The following NFATC2 variants were observed in gnomAD, a reference collection of about 807,000 sequenced individuals.
The protein encoded by NFATC2 is nuclear factor of activated T cells 2, also known as nuclear factor of activated T-cells, cytoplasmic 2.
In NFATC2, 22 loss-of-function variants were observed where a neutral mutation model predicts 87.3. That is an observed-to-expected ratio of 0.25 (90% CI 0.18 to 0.36). NFATC2 has a LOEUF of 0.36. NFATC2 is among the 10% of genes least tolerant of loss of function. The pLI, the probability that NFATC2 is intolerant of heterozygous loss-of-function variation, is 1.00. For synonymous variants in NFATC2, 565 were observed against 542.2 expected (o/e 1.04, Z -0.58); for missense variants, 1,149 against 1,259.1 (o/e 0.91, Z 1.32).
rs769134690 is a variant in NFATC2, at chr20:51,523,226, C to T, written c.1015G>A (p.Ala339Thr). The change falls in exon 2 of 11, where the codon GCC (alanine) becomes ACC (threonine). Residue 339 changes from alanine to threonine, a missense_variant. Transcript: ENST00000371564. The surrounding 1 kb of genome is among the most constrained non-coding windows in gnomAD (Gnocchi z 6.9). Reference protein sequence around the residue: ...PSPVSAAPSKAGLPRHIYPAV... With the variant: ...PSPVSAAPSKTGLPRHIYPAV... ...GGGTAGATGTGGCGAGGCAGGCCGG[C>T]CTTGGATGGGGCGGCAGACACCGGC... 1.5e-5 allele frequency: 25 copies of T among 1,613,604 alleles called. No homozygotes were observed. Among genetic ancestry groups the T allele is most frequent in the Non-Finnish European group, 1.9e-5 (23 of 1,179,786 alleles).
Position 51,454,605 on chromosome 20 carries a change from G to A in NFATC2, c.1792C>T (p.Leu598Phe), listed in dbSNP as rs1331773292. The A allele has an allele frequency of 6.2e-7, 1 of 1,614,108 alleles. No individual in the cohort carries two copies. Among genetic ancestry groups the A allele is most frequent in the South Asian group, 1.1e-5 (1 of 91,086 alleles). ...CLVYGGQQMILTGQNFTSESK... is the reference protein window; with the variant it reads ...CLVYGGQQMIFTGQNFTSESK... Reference sequence around the variant, plus strand: ...TCGGATGTAAAGTTCTGCCCCGTGAGGATCATTTGCTGGCCGCCATAGACC... The same window carrying A: ...TCGGATGTAAAGTTCTGCCCCGTGAAGATCATTTGCTGGCCGCCATAGACC... Residue 598 changes from leucine to phenylalanine, a missense_variant, in exon 6 of 11, where the codon CTC (leucine) becomes TTC (phenylalanine). Coordinates refer to ENST00000371564, the MANE Select transcript of NFATC2 (RefSeq NM_012340.5).
At chr20:51,473,450 CT>C (rs1988425010) in intron 5 of NFATC2, among the ~76,000 whole-genome samples, 2 of 152,204 alleles carry the variant, frequency 1.3e-5, no homozygotes, top group Admixed American at 6.5e-5. Flanking sequence ...AGTTTACCCC[CT>C]TGTGACTCCA....
intron 1 of NFATC2, among the ~76,000 whole-genome samples, chr20:51,541,149 C>A (rs1012324437): frequency 2.0e-5 from 3 of 152,092 alleles, no homozygotes; most frequent in Non-Finnish European, 4.4e-5. Context: ...CCGATGGAAG[C>A]GAAAACTTCA....
chr20:51,477,541 A>C (rs1387110916), intron 3 of NFATC2, among the ~76,000 whole-genome samples: 9 of 63,684 alleles, frequency 1.4e-4, no homozygotes, highest in Non-Finnish European at 2.5e-4. Context: ...GTGTCTATAT[A>C]TATATATATA....
intron 3 of NFATC2, among the ~76,000 whole-genome samples, chr20:51,488,130 C>T (rs905499404): frequency 3.2e-4 from 49 of 152,260 alleles, no homozygotes; most frequent in African/African-American, 1.1e-3. Context: ...TCATCGGGGC[C>T]GTTCCCAAGT....
intron 3 of NFATC2, among the ~76,000 whole-genome samples, chr20:51,489,264 T>G (rs926569003): frequency 3.9e-5 from 6 of 152,166 alleles, no homozygotes; most frequent in African/African-American, 7.2e-5. Context: ...GGGGGCCCCT[T>G]TGGCCCTATC....
chr20:51,448,019 T>A (rs6096436), intron 6 of NFATC2, among the ~76,000 whole-genome samples: 33,094 of 152,098 alleles, frequency 0.22, 3,794 homozygotes, highest in Middle Eastern at 0.32. Flanking sequence ...CTAAAAGAGA[T>A]GCATTCATTC....
chr20:51,405,195 A>C (rs1988441229), intron 9 of NFATC2, among the ~76,000 whole-genome samples: 1 of 152,108 alleles, frequency 6.6e-6, no homozygotes, highest in Non-Finnish European at 1.5e-5. Context: ...TGCCCCCCAA[A>C]TTAGCTTCCA....
In NFATC2 at chr20:51,432,144, C is replaced by T. The variant is rs143896328; in HGVS notation, c.2645G>A (p.Ser882Asn). ...QRAAKNGPPVSDQKEVLPAGV... is the reference protein window; with the variant it reads ...QRAAKNGPPVNDQKEVLPAGV... ...CGCAGGTAATACTTCCTTTTGGTCA[C>T]TGACCGGGGGTCCGTTTTTGGCGGC... The change falls in exon 9 of 11, where the codon AGT (serine) becomes AAT (asparagine). Residue 882 changes from serine to asparagine, a missense_variant. By Grantham distance (46) the Ser-to-Asn change is conservative (BLOSUM62 1). Coordinates refer to ENST00000371564, the MANE Select transcript of NFATC2 (RefSeq NM_012340.5). This position sits in a 1 kb window ranked among gnomAD's most constrained non-coding sequence, Gnocchi z 4.6. The T allele has an allele frequency of 6.3e-7, 1 of 1,593,270 alleles. No homozygotes were observed. Among genetic ancestry groups the T allele is most frequent in the Non-Finnish European group, 8.6e-7 (1 of 1,166,810 alleles).
Position 51,479,408 on chromosome 20 carries a change from A to G in NFATC2, c.1333-3748T>C, listed in dbSNP as rs550671089. On this transcript the variant is annotated intron_variant, in intron 3 of 10. Coordinates refer to ENST00000371564, the MANE Select transcript of NFATC2 (RefSeq NM_012340.5). Reference sequence around the variant, plus strand: ...CAAGGTGGGTAGATCTCTCGAGCCCAGAAGCTCAAGACAAGCGTGGACAAC... The same window carrying G: ...CAAGGTGGGTAGATCTCTCGAGCCCGGAAGCTCAAGACAAGCGTGGACAAC... 1.4e-3 allele frequency among the ~76,000 whole-genome samples: 217 copies of G among 151,592 alleles called. 1 individual carries two copies. The highest frequency in any genetic ancestry group is 5.1e-3 in the African/African-American group (212 of 41,216).
At chr20:51,508,837 C>T (rs1286001625) in intron 3 of NFATC2, among the ~76,000 whole-genome samples, 1 of 152,044 alleles carries the variant, frequency 6.6e-6, no homozygotes, top group Admixed American at 6.6e-5. Flanking sequence ...TCTCCTGCTC[C>T]CCCATGCCCC....
intron 1 of NFATC2, among the ~76,000 whole-genome samples, chr20:51,555,117 T>G (rs921351802): frequency 1.3e-5 from 2 of 152,208 alleles, no homozygotes; most frequent in Non-Finnish European, 2.9e-5. Context: ...ATCTCCTGCC[T>G]GGACCACTGC....
At position 51,454,627 on chromosome 20, in the gene NFATC2, G is replaced by A. The variant is rs761026951; in HGVS notation, c.1770C>T (p.Val590=). Residue 590 remains valine (V), a synonymous_variant, in exon 6 of 11, where the codon GTC becomes GTT. Coordinates refer to ENST00000371564, the MANE Select transcript of NFATC2 (RefSeq NM_012340.5). ...TGAGGATCATTTGCTGGCCGCCATA[G>A]ACCAGGCAGCTGTCTGTGTCTTGTC... ...VERQDTDSCL[V]YGGQQMILTG... 7.4e-6 allele frequency: 12 copies of A among 1,614,134 alleles called. No individual in the cohort carries two copies. Among genetic ancestry groups the A allele is most frequent in the Non-Finnish European group, 1.0e-5 (12 of 1,180,032 alleles).
In NFATC2 at chr20:51,435,227, T is replaced by C; in HGVS notation, c.1993A>G (p.Arg665Gly). 1 of 1,614,212 alleles carries C rather than the reference T, an allele frequency of 6.2e-7. No homozygotes were observed. The highest frequency in any genetic ancestry group is 8.5e-7 in the Non-Finnish European group (1 of 1,180,024). ...KVNFYVINGK[R>G]KRSQPQHFTY... ...AAGTGCTGAGGCTGACTTCGTTTTC[T>C]CTTCCCATTGATGACGTAGAAGTTC... is the stretch of plus-strand genomic sequence containing the variant. Residue 665 changes from arginine to glycine, a missense_variant, in exon 8 of 11, where the codon AGA becomes GGA. Arg to Gly is a moderately radical substitution (Grantham distance 125). Transcript: ENST00000371564.
chr20:51,415,245 CAAA>C (rs33978165), intron 9 of NFATC2, among the ~76,000 whole-genome samples: 2 of 136,564 alleles, frequency 1.5e-5, no homozygotes, highest in African/African-American at 2.8e-5. Context: ...GACCCTGTAT[CAAA>C]AAAAAAAAAA....
upstream of NFATC2, among the ~76,000 whole-genome samples, chr20:51,544,415 C>T (rs1273204634): frequency 1.3e-5 from 2 of 152,144 alleles, no homozygotes; most frequent in Non-Finnish European, 2.9e-5. Context: ...GAATCCTTCC[C>T]CATGTGCCAG....
intron 1 of NFATC2, among the ~76,000 whole-genome samples, chr20:51,549,649 C>T (rs1053089147): frequency 9.2e-5 from 14 of 152,318 alleles, no homozygotes; most frequent in African/African-American, 3.4e-4. Context: ...AGCAAGACAC[C>T]TTCAGTGCCT....
intron 9 of NFATC2, among the ~76,000 whole-genome samples, chr20:51,425,337 T>C (rs1344904604): frequency 3.9e-5 from 6 of 152,190 alleles, no homozygotes; most frequent in Non-Finnish European, 7.3e-5. Context: ...CAGGTGGCCA[T>C]GTGAGTTAAA....
At chr20:51,489,200 T>C (rs563551150) in intron 3 of NFATC2, among the ~76,000 whole-genome samples, 1 of 152,058 alleles carries the variant, frequency 6.6e-6, no homozygotes, top group South Asian at 2.1e-4. Context: ...AAAAAAGAAG[T>C]GTGCAGATGA....
Sources: gnomAD v4.1 joint callset for allele counts (sites outside exome capture counted in the v4.1 genomes callset) on GRCh38, gnomAD v4.1.1 for gene constraint, Gnocchi (gnomAD v3.1) non-coding constraint, MANE v1.5 for transcripts, NCBI Gene and HGNC (gene_info 2026-07-23, HGNC 2026-07-21) for gene names.